Variants in SAAL1 observed in about 807,000 individuals in gnomAD.
The protein encoded by SAAL1 is protein SAAL1.
SAAL1 carries 42 observed loss-of-function variants against 59.8 expected under a neutral mutation model. The ratio of observed to expected loss-of-function variants is 0.70; its 90% CI spans 0.55 to 0.91. SAAL1 has a LOEUF of 0.91. SAAL1 is among the 40% of genes least tolerant of loss of function. SAAL1 has a pLI of 0.00. For missense variants in SAAL1, 542 were observed against 561.1 expected, an observed-to-expected ratio of 0.97 and a Z score of 0.34; for synonymous variants, 191 against 194.3, an observed-to-expected ratio of 0.98 and a Z score of 0.14.
intron 4 of SAAL1, 23 bp downstream of exon 4, chr11:18,092,222 C>A: frequency 8.0e-7 from 1 of 1,249,430 alleles, no homozygotes; most frequent in South Asian, 1.3e-5. Flanking sequence ...TATTAAAAAA[C>A]ATAATTATAT....
At chr11:18,105,030 T>C (rs1233158666) in intron 1 of SAAL1, among the ~76,000 whole-genome samples, 1 of 152,108 alleles carries the variant, frequency 6.6e-6, no homozygotes, top group Non-Finnish European at 1.5e-5. Flanking sequence ...TGCTAAGCAC[T>C]CTGTTGCCAT....
rs76989042 is a variant in SAAL1 at position 18,087,426 on chromosome 11, T to A, written c.771-201A>T. ...GGAAACAGCAAAAAATAAACAAATA[T>A]TATATAATATAATCAACACACACAG... On this transcript the variant is annotated intron_variant, in intron 7 of 11. Transcript: ENST00000524803. 2.6e-3 allele frequency among the ~76,000 whole-genome samples: 398 copies of A among 152,214 alleles called. 3 individuals carry two copies. Among genetic ancestry groups the A allele is most frequent in the African/African-American group, 9.1e-3 (380 of 41,544 alleles).
Position 18,090,244 on chromosome 11 carries a change from C to T in SAAL1, c.520G>A (p.Val174Ile). The change falls in exon 6 of 12, where the codon GTT becomes ATT. Residue 174 changes from valine to isoleucine, a missense_variant. Val to Ile is a conservative substitution (Grantham distance 29, BLOSUM62 3). Transcript: ENST00000524803. ...LSQAEVASVW[V>I]ERIQEHPAIY... ...GCTGGATGTTCCTGGATCCTTTCAA[C>T]CCAAACACTGGCCACTTCTGCCTGG... The T allele has an allele frequency of 6.2e-7, 1 of 1,609,982 alleles. No homozygotes were observed. Among genetic ancestry groups the T allele is most frequent in the Non-Finnish European group, 8.5e-7 (1 of 1,179,104 alleles).
At chr11:18,081,325 C>T (rs756945841) in intron 11 of SAAL1, 86 bp downstream of exon 11, 8 of 900,956 alleles carry the variant, frequency 8.9e-6, no homozygotes, top group African/African-American at 1.7e-5. Flanking sequence ...TCATTTTTGA[C>T]AATGACCTCG....
chr11:18,096,594 T>C lies in SAAL1; in HGVS notation c.333+177A>G, dbSNP rs568931088. ...GTGAGACCCTGTCTCAAAAATAAAA[T>C]AAAATAAATTTAAATAGCAAATTAC... On this transcript the variant is annotated intron_variant, in intron 3 of 11. Transcript: ENST00000524803. Among the ~76,000 whole-genome samples the C allele has an allele frequency of 2.6e-5, 4 of 151,880 alleles. No homozygotes were observed. The South Asian group carries it at 6.2e-4, about 24-fold the overall frequency.
chr11:18,096,779 G>T lies in SAAL1; in HGVS notation c.325C>A (p.Arg109=). ...MGVLAKSKCP[R]LREICVGILG... ...GAAATGTACATACTTACTCTTAATC[G>T]AGGACACTTGGACTTGGCCAGTACT... The change falls in exon 3 of 12, where the codon CGA becomes AGA. Residue 109 remains arginine (R), a synonymous_variant. Coordinates refer to ENST00000524803, the MANE Select transcript of SAAL1 (RefSeq NM_138421.3). The T allele has an allele frequency of 6.5e-7, 1 of 1,531,544 alleles. No individual in the cohort carries two copies. The highest frequency in any genetic ancestry group is 9.0e-7 in the Non-Finnish European group (1 of 1,106,240). 94.9% of individuals were successfully genotyped at this position (1,531,544 alleles called of 1,614,324 possible).
intron 7 of SAAL1, among the ~76,000 whole-genome samples, chr11:18,088,374 G>GTGTT (rs1254544376): frequency 2.0e-5 from 3 of 152,306 alleles, no homozygotes; most frequent in Admixed American, 2.0e-4. Context: ...TACCCAAGCT[G>GTGTT]TGTTTGTTTG....
At chr11:18,098,199 G>T (rs7131454) in intron 2 of SAAL1, among the ~76,000 whole-genome samples, 25 of 152,042 alleles carry the variant, frequency 1.6e-4, no homozygotes, top group African/African-American at 6.0e-4. Flanking sequence ...CACGGTAGGG[G>T]AAAGAAGTCA....
intron 9 of SAAL1, among the ~76,000 whole-genome samples, chr11:18,085,050 G>A (rs148053619): frequency 6.6e-6 from 1 of 152,186 alleles, no homozygotes; most frequent in East Asian, 1.9e-4. Flanking sequence ...ATAGGTGTGA[G>A]CCACAGCACC....
chr11:18,094,788 G>A (rs1848555437), intron 3 of SAAL1, among the ~76,000 whole-genome samples: 1 of 152,100 alleles, frequency 6.6e-6, no homozygotes, highest in Non-Finnish European at 1.5e-5. Context: ...TCAAATGTTG[G>A]GAAAAGATTA....
At chr11:18,093,258 G>A (rs574895568) in intron 3 of SAAL1, among the ~76,000 whole-genome samples, 6 of 152,220 alleles carry the variant, frequency 3.9e-5, no homozygotes, top group Admixed American at 6.5e-5. Context: ...CCAAGGAGCC[G>A]CCATTAAGTG....
intron 3 of SAAL1, among the ~76,000 whole-genome samples, chr11:18,095,127 C>T (rs191317723): frequency 1.3e-5 from 2 of 152,100 alleles, no homozygotes; most frequent in Admixed American, 6.5e-5. Flanking sequence ...ATTAGTGATG[C>T]GGGGACATGC....
chr11:18,094,760 T>C (rs1848555169), intron 3 of SAAL1, among the ~76,000 whole-genome samples: 1 of 152,076 alleles, frequency 6.6e-6, no homozygotes, highest in African/African-American at 2.4e-5. Flanking sequence ...AAATGGAATT[T>C]CAATAAAAAG....
At chr11:18,096,955 G>T (rs1210257008) in intron 2 of SAAL1, 101 bp from the exon 3 acceptor site, 4 of 682,750 alleles carry the variant, frequency 5.9e-6, no homozygotes, top group African/African-American at 5.6e-5. Flanking sequence ...AGAATTTTAC[G>T]CCAGGCGCAG....
In SAAL1 at chr11:18,105,874, G is replaced by A. The variant is rs758512323; in HGVS notation, c.135+33C>T. On this transcript the variant is annotated intron_variant, in intron 1 of 11. Coordinates refer to ENST00000524803, the MANE Select transcript of SAAL1 (RefSeq NM_138421.3). ...GGAGCCCCGGTGCCTGGGGGATGTA[G>A]GGACACCCCACGCGTGGCGCGAGTT... The A allele has an allele frequency of 5.1e-6, 8 of 1,554,404 alleles. No individual in the cohort carries two copies. In the Admixed American group the frequency reaches 5.9e-5, roughly 11 times the overall value.
chr11:18,104,420 T>C (rs772843977), intron 1 of SAAL1, among the ~76,000 whole-genome samples: 14 of 150,852 alleles, frequency 9.3e-5, no homozygotes, highest in Non-Finnish European at 1.6e-4. Context: ...ACAAGTAAGA[T>C]ATAATCCCTT....
intron 4 of SAAL1, 22 bp downstream of exon 4, chr11:18,092,223 A>G: frequency 8.0e-7 from 1 of 1,257,480 alleles, no homozygotes; most frequent in Non-Finnish European, 1.1e-6. Context: ...ATTAAAAAAC[A>G]TAATTATATA....
At chr11:18,087,415 A>C (rs1414647085) in intron 7 of SAAL1, among the ~76,000 whole-genome samples, 190 bp from the exon 8 acceptor site, 1 of 152,224 alleles carries the variant, frequency 6.6e-6, no homozygotes, top group Admixed American at 6.5e-5. Flanking sequence ...ACAGCAAAAA[A>C]TAAACAAATA....
At chr11:18,081,294 T>C in intron 11 of SAAL1, 117 bp downstream of exon 11, 1 of 688,100 alleles carries the variant, frequency 1.5e-6, no homozygotes, top group Non-Finnish European at 2.5e-6. Context: ...AGGCATTAAG[T>C]CATATAAATT....
Sources: allele counts gnomAD v4.1 joint callset (sites outside exome capture counted in the v4.1 genomes callset), GRCh38; gene constraint gnomAD v4.1.1; transcripts MANE v1.5; gene names NCBI Gene and HGNC (gene_info 2026-07-23, HGNC 2026-07-21).